KDM6B: variants seen among roughly 807,000 people sequenced by gnomAD.
KDM6B encodes the protein lysine demethylase 6B.
A neutral mutation model predicts 150.4 loss-of-function variants in KDM6B; 22 were observed. The observed-to-expected ratio is 0.15, with a 90% CI of 0.10 to 0.21. The LOEUF (loss-of-function observed/expected upper bound fraction) is 0.21. Ranked by LOEUF, KDM6B falls within the 10% of genes least tolerant of loss-of-function variation. The probability of loss-of-function intolerance (pLI) is 1.00; values close to 1 mark genes in which losing one functional copy is unlikely to be tolerated. For missense variants in KDM6B, 1,984 were observed against 2,234.3 expected (o/e 0.89, Z 2.26); for synonymous variants, 1,148 against 921.1 (o/e 1.25, Z -4.46).
At chr17:7,845,089 C>G in intron 3 of KDM6B, 69 bp downstream of exon 3, 1 of 243,266 alleles carries the variant, frequency 4.1e-6, no homozygotes, top group South Asian at 4.6e-5. Flanking sequence ...GCAGCCACCC[C>G]GTCCCTCTGA....
At chr17:7,846,553 T>C in intron 8 of KDM6B, 26 bp from the exon 9 acceptor site, 1 of 1,613,910 alleles carries the variant, frequency 6.2e-7, no homozygotes, top group Non-Finnish European at 8.5e-7. Context: ...CCCGTGCCAT[T>C]TTCTCTTCTC....
Position 7,848,254 on chromosome 17 carries a change from G to T in KDM6B, c.1966G>T (p.Val656Leu), listed in dbSNP as rs1460048664. The T allele has an allele frequency of 1.9e-6, 3 of 1,611,620 alleles. No homozygotes were observed. The highest frequency in any genetic ancestry group is 1.1e-5 in the South Asian group (1 of 91,032). Residue 656 changes from valine (V) to leucine (L), a missense_variant, in exon 12 of 24, where the codon GTG (valine) becomes TTG (leucine). Physicochemically the swap from Val to Leu is conservative, Grantham distance 32. Transcript: ENST00000448097. ...CCCCCTGAGTAAAGCCCCCCAGCCT[G>T]TGCCGCCCGGGGTTGGGGAGCTGCC... ...PGPLSKAPQP[V>L]PPGVGELPAR...
chr17:7,849,573 T>G lies in KDM6B; in HGVS notation c.3285T>G (p.Leu1095=), dbSNP rs554307636. The G allele has an allele frequency of 1.9e-6, 3 of 1,612,670 alleles. No homozygotes were observed. Among genetic ancestry groups the G allele is most frequent in the Admixed American group, 3.3e-5 (2 of 60,016 alleles). ...SRADMLKLRS[L]SEGPPKELKI... ...CCGACATGCTGAAGCTGCGCTCACT[T>G]AGTGAGGGGCCCCCCAAGGAGCTGA... Residue 1095 remains leucine, a synonymous_variant, in exon 12 of 24, where the codon CTT becomes CTG. Coordinates refer to ENST00000448097, the MANE Select transcript of KDM6B (RefSeq NM_001348716.2).
rs748081133 is a variant in KDM6B, at chr17:7,847,755, G to T, written c.1467G>T (p.Pro489=). The change falls in exon 12 of 24, where the codon CCG becomes CCT. Residue 489 remains proline (P), a synonymous_variant. Coordinates refer to ENST00000448097, the MANE Select transcript of KDM6B (RefSeq NM_001348716.2). ...PPPPPAWLKG[P]ACRAAREDGE... ...CACCCCCTGCCTGGTTGAAGGGTCC[G>T]GCCTGCCGGGCAGCCCGAGAGGATG... The T allele has an allele frequency of 1.4e-5, 21 of 1,534,200 alleles. No homozygotes were observed. In the Admixed American group the frequency reaches 4.3e-4, roughly 32 times the overall value.
chr17:7,851,856 C>G (rs1597856786), intron 18 of KDM6B, 60 bp downstream of exon 18: 1 of 1,567,842 alleles, frequency 6.4e-7, no homozygotes, highest in Non-Finnish European at 8.6e-7. Flanking sequence ...CTGGCGGCGG[C>G]GCTCAGCCGT....
chr17:7,850,987 C>G, intron 14 of KDM6B, 34 bp from the exon 15 acceptor site: 1 of 1,553,564 alleles, frequency 6.4e-7, no homozygotes, highest in Non-Finnish European at 8.7e-7. Context: ...TCCTCTGCCT[C>G]TGCCCCGACA....
chr17:7,853,480 C>T lies in KDM6B; in HGVS notation c.4909-18C>T. On this transcript the variant is annotated intron_variant, in intron 23 of 23. Coordinates refer to ENST00000448097, the MANE Select transcript of KDM6B (RefSeq NM_001348716.2). Reference sequence around the variant, plus strand: ...GGCCGCGCCTTTCCCTGAGCCCCCGCCGGCTTTCTCCCCCCAGGCCCCAGC... The same window carrying T: ...GGCCGCGCCTTTCCCTGAGCCCCCGTCGGCTTTCTCCCCCCAGGCCCCAGC... The T allele has an allele frequency of 2.0e-6, 3 of 1,503,878 alleles. No homozygotes were observed. The highest frequency in any genetic ancestry group is 2.6e-6 in the Non-Finnish European group (3 of 1,133,492). The allele number at this position is 1,503,878 out of a possible 1,614,324, so 93.2% of individuals were successfully genotyped here. A position where few individuals can be genotyped will look rare whatever the true frequency, so the allele number is the denominator to read the frequency against.
In KDM6B at chr17:7,848,521, A is replaced by G. The variant is rs373134535; in HGVS notation, c.2233A>G (p.Thr745Ala). Residue 745 changes from threonine to alanine, a missense_variant, in exon 12 of 24, where the codon ACT becomes GCT. Coordinates refer to ENST00000448097, the MANE Select transcript of KDM6B (RefSeq NM_001348716.2). ...PFPTDTAPTT[T>A]APAVAVTTTT... Reference sequence around the variant, plus strand: ...CCCCACCGACACAGCCCCCACCACTACTGCTCCTGCTGTCGCCGTCACCAC... The same window carrying G: ...CCCCACCGACACAGCCCCCACCACTGCTGCTCCTGCTGTCGCCGTCACCAC... 4 of 1,604,988 alleles carry G rather than the reference A, an allele frequency of 2.5e-6. No homozygotes were observed. Among genetic ancestry groups the G allele is most frequent in the African/African-American group, 2.8e-5 (2 of 71,830 alleles).
In KDM6B at chr17:7,847,263, C is replaced by T. The variant is rs143736118; in HGVS notation, c.1068C>T (p.Pro356=). 21 of 1,604,082 alleles carry T rather than the reference C, an allele frequency of 1.3e-5. No individual in the cohort carries two copies. The highest frequency in any genetic ancestry group is 5.5e-5 in the South Asian group (5 of 91,076). ...SHGCLPATRP[P]GSDLRESRVQ... ...GCTGCCTGCCTGCCACCCGTCCCCC[C>T]GGAAGTGACCTTAGAGAGAGCAGAG... Residue 356 remains proline, a synonymous_variant, in exon 11 of 24, where the codon CCC becomes CCT. Transcript: ENST00000448097.
In KDM6B at chr17:7,848,128, T is replaced by C; in HGVS notation, c.1840T>C (p.Cys614Arg). Reference sequence around the variant, plus strand: ...CCTGCCTCCAGCCCCTCCTTCCTCCTGCCACCAAAATACCTCAGGAAGCTT... The same window carrying C: ...CCTGCCTCCAGCCCCTCCTTCCTCCCGCCACCAAAATACCTCAGGAAGCTT... ...LALPPAPPSS[C>R]HQNTSGSFRR... is the part of the protein sequence containing the mutation. The change falls in exon 12 of 24, where the codon TGC becomes CGC. Residue 614 changes from cysteine (C) to arginine (R), a missense_variant. Cys to Arg is a radical substitution (Grantham distance 180). Coordinates refer to ENST00000448097, the MANE Select transcript of KDM6B (RefSeq NM_001348716.2). 1 of 1,612,436 alleles carries C rather than the reference T, an allele frequency of 6.2e-7. No homozygotes were observed. Among genetic ancestry groups the C allele is most frequent in the Non-Finnish European group, 8.5e-7 (1 of 1,179,796 alleles).
Position 7,848,714 on chromosome 17 carries a change from C to T in KDM6B, c.2426C>T (p.Ser809Phe). 1.2e-6 allele frequency: 2 copies of T among 1,612,982 alleles called. No homozygotes were observed. The highest frequency in any genetic ancestry group is 1.7e-6 in the Non-Finnish European group (2 of 1,179,982). Residue 809 changes from serine (S) to phenylalanine (F), a missense_variant, in exon 12 of 24, where the codon TCC becomes TTC. Ser to Phe is a radical substitution (Grantham distance 155, BLOSUM62 -2). Transcript: ENST00000448097. The stretch of plus-strand genomic sequence containing the variant: ...GCCAGCCTGCTCAAATCCTTGGCCT[C>T]CGTGCTGGAGGGACAAAAGTACTGT... ...SPASLLKSLASVLEGQKYCYR... is the reference protein window; with the variant it reads ...SPASLLKSLAFVLEGQKYCYR...
chr17:7,847,369 G>T lies in KDM6B; in HGVS notation c.1174G>T (p.Gly392Cys). The change falls in exon 11 of 24, where the codon GGC (glycine) becomes TGC (cysteine). Residue 392 changes from glycine (G) to cysteine (C), a missense_variant. Transcript: ENST00000448097. ...CVPYAPSRPP[G>C]LPGTTTSSSS... ...GCCTTACGCCCCTTCCCGGCCCCCT[G>T]GCCTCCCCGGCACCACCACCAGCAG... is the stretch of plus-strand genomic sequence containing the variant. 6.2e-7 allele frequency: 1 copy of T among 1,612,888 alleles called. No individual in the cohort carries two copies.
chr17:7,849,529 C>T lies in KDM6B; in HGVS notation c.3241C>T (p.Pro1081Ser). 6.2e-7 allele frequency: 1 copy of T among 1,612,862 alleles called. No homozygotes were observed. The highest frequency in any genetic ancestry group is 8.5e-7 in the Non-Finnish European group (1 of 1,179,950). Reference sequence around the variant, plus strand: ...GAAGGCTCGGGAGGAAGCCCCAGGGCCACCGGGTGTCAGCCGGGCCGACAT... The same window carrying T: ...GAAGGCTCGGGAGGAAGCCCCAGGGTCACCGGGTGTCAGCCGGGCCGACAT... ...GKKAREEAPG[P>S]PGVSRADMLK... The change falls in exon 12 of 24, where the codon CCA becomes TCA. Residue 1081 changes from proline (P) to serine (S), a missense_variant. Pro to Ser is a moderately conservative substitution (Grantham distance 74, BLOSUM62 -1). This residue lies in a region of KDM6B where 1,379 missense variants were observed against 1,275.6 expected (regional missense o/e 1.08). Transcript: ENST00000448097.
rs1450145974 is a variant in KDM6B, at chr17:7,853,580, T to G, written c.*59T>G. On this transcript the variant is annotated 3_prime_UTR_variant, in exon 24 of 24. Transcript: ENST00000448097. ...AAGGCGCCGCGGGGCCACCAGCACATGCCTGGGCTGGACCTAGGTCCCGCC... is the reference window on the plus strand; with the variant it reads ...AAGGCGCCGCGGGGCCACCAGCACAGGCCTGGGCTGGACCTAGGTCCCGCC... 21 of 1,288,088 alleles carry G rather than the reference T, an allele frequency of 1.6e-5. No individual in the cohort carries two copies. The highest frequency in any genetic ancestry group is 2.1e-5 in the Non-Finnish European group (21 of 998,804). The allele number at this position is 1,288,088 out of a possible 1,614,324, so 79.8% of individuals were successfully genotyped here.
Position 7,848,992 on chromosome 17 carries a change from C to CCA in KDM6B, c.2704_2705insCA (p.Leu902ProfsTer14). 1 of 1,582,190 alleles carries CCA rather than the reference C, an allele frequency of 6.3e-7. No individual in the cohort carries two copies. The highest frequency in any genetic ancestry group is 8.6e-7 in the Non-Finnish European group (1 of 1,160,892). On this transcript the variant is annotated frameshift_variant, in exon 12 of 24. Coordinates refer to ENST00000448097, the MANE Select transcript of KDM6B (RefSeq NM_001348716.2). LOFTEE classifies it high-confidence loss of function. ...GACCCCCACCCAACCGCCCCCACCC[C>CCA]TATCTCTGCCCCCTGCTCGCTCTGA... is the stretch of plus-strand genomic sequence containing the variant.
At position 7,852,271 on chromosome 17, in the gene KDM6B, C is replaced by G. The variant is rs1239551215; in HGVS notation, c.4403C>G (p.Thr1468Ser). The G allele has an allele frequency of 6.2e-7, 1 of 1,614,020 alleles. No individual in the cohort carries two copies. Among genetic ancestry groups the G allele is most frequent in the East Asian group, 2.2e-5 (1 of 44,878 alleles). ...PGDLVWINAGTVHWVQATGWC... is the reference protein window; with the variant it reads ...PGDLVWINAGSVHWVQATGWC... ...GACCTCGTGTGGATTAATGCGGGGACTGTGCACTGGGTGCAGGCCACCGGC... is the reference window on the plus strand; with the variant it reads ...GACCTCGTGTGGATTAATGCGGGGAGTGTGCACTGGGTGCAGGCCACCGGC... Residue 1468 changes from threonine (T) to serine (S), a missense_variant, in exon 20 of 24, where the codon ACT becomes AGT. Transcript: ENST00000448097.
chr17:7,848,362 C>T lies in KDM6B; in HGVS notation c.2074C>T (p.Pro692Ser). The T allele has an allele frequency of 6.2e-7, 1 of 1,613,000 alleles. No individual in the cohort carries two copies. Among genetic ancestry groups the T allele is most frequent in the Non-Finnish European group, 8.5e-7 (1 of 1,180,022 alleles). ...FEEPAEFKIL[P>S]DGLANIMKML... is the part of the protein sequence containing the mutation. ...GGAGCCAGCCGAATTCAAGATCCTA[C>T]CTGATGGGCTGGCCAACATCATGAA... Residue 692 changes from proline (P) to serine (S), a missense_variant, in exon 12 of 24, where the codon CCT (proline) becomes TCT (serine). This residue lies in a region of KDM6B where 1,379 missense variants were observed against 1,275.6 expected (regional missense o/e 1.08). Coordinates refer to ENST00000448097, the MANE Select transcript of KDM6B (RefSeq NM_001348716.2).
At position 7,846,859 on chromosome 17, in the gene KDM6B, T is replaced by TACCACCACCACCACCACCACCACC. The variant is rs61462443; in HGVS notation, c.768_791dup (p.Pro257_Pro264dup). On this transcript the variant is annotated inframe_insertion, in exon 10 of 24. Coordinates refer to ENST00000448097, the MANE Select transcript of KDM6B (RefSeq NM_001348716.2). ...GGGCTGCCACTGCCTCCACCACCAT[T>TACCACCACCACCACCACCACCACC]ACCACCACCACCACCACCACCACCA... 3.4e-5 allele frequency: 41 copies of TACCACCACCACCACCACCACCACC among 1,215,832 alleles called. No homozygotes were observed. The highest frequency in any genetic ancestry group is 5.0e-5 in the East Asian group (2 of 39,826). The allele number at this position is 1,215,832 out of a possible 1,614,324, so 75.3% of individuals were successfully genotyped here.
chr17:7,853,325 T>A lies in KDM6B; in HGVS notation c.4853T>A (p.Val1618Glu). Residue 1618 changes from valine to glutamate, a missense_variant, in exon 23 of 24, where the codon GTG (valine) becomes GAG (glutamate). Physicochemically the swap from Val to Glu is moderately radical, Grantham distance 121 (BLOSUM62 -2). Around this residue, in one of 13 missense-constraint regions of KDM6B, gnomAD observed 58 missense variants for 76.4 expected, o/e 0.76. Transcript: ENST00000448097. ...AGCGCAGGCCTGCAGGGCGTGGTGG[T>A]GCTGGAGCAGTACCGCACTGAGGAG... ...RRSAGLQGVV[V>E]LEQYRTEELA... 6.3e-7 allele frequency: 1 copy of A among 1,589,548 alleles called. No individual in the cohort carries two copies. The highest frequency in any genetic ancestry group is 8.6e-7 in the Non-Finnish European group (1 of 1,169,410).
Sources: allele counts gnomAD v4.1 joint callset, GRCh38; gene constraint gnomAD v4.1.1; regional missense constraint gnomAD v4.1.1; transcripts MANE v1.5; gene names NCBI Gene and HGNC (gene_info 2026-07-23, HGNC 2026-07-21).